The following PCLAF variants were observed in gnomAD, a reference collection of about 807,000 sequenced individuals.
The protein encoded by PCLAF is PCNA-associated factor.
In PCLAF, 12 loss-of-function variants were observed where a neutral mutation model predicts 15.1. The ratio of observed to expected loss-of-function variants is 0.79; its 90% CI spans 0.51 to 1.29. PCLAF has a LOEUF of 1.29. PCLAF is among the 50% of genes most tolerant of loss of function. PCLAF has a pLI of 0.00. For missense variants in PCLAF, 116 were observed against 130.9 expected, an observed-to-expected ratio of 0.89 and a Z score of 0.56; for synonymous variants, 33 against 47.1, an observed-to-expected ratio of 0.70 and a Z score of 1.22.
At position 64,377,522 on chromosome 15, in the gene PCLAF, T is replaced by A. The variant is rs1316852093; in HGVS notation, c.128-617A>T. Among the ~76,000 whole-genome samples the A allele has an allele frequency of 4.6e-4, 44 of 96,516 alleles. 1 individual carries two copies. Among genetic ancestry groups the A allele is most frequent in the East Asian group, 1.1e-3 (3 of 2,764 alleles). The allele number at this position is 96,516 out of a possible 152,430, so 63.3% of individuals were successfully genotyped here. On this transcript the variant is annotated intron_variant, in intron 2 of 3. Transcript: ENST00000300035. ...ATATATATATATATATATATATATA[T>A]ATATATATATATATATTCTTGTATG...
At chr15:64,370,218 A>T (rs1899222636) in intron 3 of PCLAF, among the ~76,000 whole-genome samples, 12 of 151,354 alleles carry the variant, frequency 7.9e-5, no homozygotes, top group Admixed American at 7.9e-4. Context: ...TCAGGACTAC[A>T]GGTGTGCGCC....
upstream of PCLAF, among the ~76,000 whole-genome samples, chr15:64,383,699 T>G (rs1899880006): frequency 6.6e-6 from 1 of 152,140 alleles, no homozygotes; most frequent in African/African-American, 2.4e-5. Flanking sequence ...ATTATTTCCT[T>G]TCCAGTTTAA....
At chr15:64,371,342 T>A (rs747476418) in intron 3 of PCLAF, among the ~76,000 whole-genome samples, 80 of 152,166 alleles carry the variant, frequency 5.3e-4, no homozygotes, top group Middle Eastern at 3.4e-3. Context: ...CTCAGCTCAC[T>A]GCAACCTCTG....
At chr15:64,382,266 C>T (rs1899841819), upstream of PCLAF, among the ~76,000 whole-genome samples, 1 of 151,784 alleles carries the variant, frequency 6.6e-6, no homozygotes, top group African/African-American at 2.4e-5. Context: ...GTGGCATGTT[C>T]CTGTAATCCC....
intron 2 of PCLAF, among the ~76,000 whole-genome samples, chr15:64,377,597 C>T (rs1774126050): frequency 7.7e-6 from 1 of 129,888 alleles, no homozygotes; most frequent in Non-Finnish European, 1.6e-5. Flanking sequence ...AAGATAGGAC[C>T]ATGTAGTATA....
chr15:64,373,797 T>C (rs1899464123), intron 3 of PCLAF: 1 of 1,533,218 alleles, frequency 6.5e-7, no homozygotes, highest in Non-Finnish European at 8.7e-7. Flanking sequence ...TAGGGTCTTA[T>C]ATTCAAGGGG....
At chr15:64,371,535 G>C (rs991893270) in intron 3 of PCLAF, among the ~76,000 whole-genome samples, 12 of 152,208 alleles carry the variant, frequency 7.9e-5, no homozygotes, top group African/African-American at 2.7e-4. Flanking sequence ...CAAAGTACTG[G>C]GAGTACAGGC....
upstream of PCLAF, chr15:64,382,956 C>T: frequency 6.0e-6 from 1 of 166,488 alleles, no homozygotes; most frequent in Admixed American, 6.3e-5. Flanking sequence ...CACGCTACTG[C>T]ACTCCAGCCT....
intron 3 of PCLAF, among the ~76,000 whole-genome samples, chr15:64,374,846 C>CAAA (rs372818602): frequency 6.5e-4 from 26 of 39,972 alleles, no homozygotes; most frequent in African/African-American, 1.7e-3. Flanking sequence ...ACCCCCATAT[C>CAAA]AAAAAAAAAA....
chr15:64,373,188 A>T (rs1899421379), intron 3 of PCLAF: 1 of 152,300 alleles, frequency 6.6e-6, no homozygotes, highest in South Asian at 2.1e-4. Context: ...GATTTAACAA[A>T]CTAAAATGAA....
In PCLAF at chr15:64,369,793, C is replaced by A. The variant is rs142677195; in HGVS notation, c.291-3718G>T. ...ACTTTGTTTTAATTACTCTTTCAGC[C>A]ATCTATTTTTATCTAGTTTGTGTTC... On this transcript the variant is annotated intron_variant, in intron 3 of 3. Transcript: ENST00000300035. 2.0e-4 allele frequency among the ~76,000 whole-genome samples: 31 copies of A among 152,204 alleles called. No homozygotes were observed. In the East Asian group the frequency reaches 5.4e-3, roughly 26 times the overall value.
intron 3 of PCLAF, chr15:64,373,585 G>C: frequency 1.4e-6 from 2 of 1,441,032 alleles, no homozygotes; most frequent in South Asian, 1.5e-5. Flanking sequence ...TTGTGGTTTC[G>C]GCTGCAGTAG....
chr15:64,377,501 A>T (rs1322768975), intron 2 of PCLAF, among the ~76,000 whole-genome samples: 1 of 51,150 alleles, frequency 2.0e-5, no homozygotes, highest in African/African-American at 8.2e-5. Context: ...ATATATATAT[A>T]TATATATATA....
rs1899616458 is a variant in PCLAF, at chr15:64,376,824, C to T, written c.209G>A (p.Arg70Lys). The change falls in exon 3 of 4, where the codon AGG (arginine) becomes AAG (lysine). Residue 70 changes from arginine to lysine, a missense_variant. Transcript: ENST00000300035. ...KWQKGIGEFF[R>K]LSPKDSEKEN... ...TTTTTCAGAATCTTTAGGGGACAAC[C>T]TAAAGAATTCTCCAATTCCTTTTTG... 1 of 1,613,940 alleles carries T rather than the reference C, an allele frequency of 6.2e-7. No homozygotes were observed. Among genetic ancestry groups the T allele is most frequent in the Non-Finnish European group, 8.5e-7 (1 of 1,179,858 alleles).
intron 3 of PCLAF, among the ~76,000 whole-genome samples, chr15:64,369,169 C>G (rs1368129246): frequency 6.6e-6 from 1 of 151,910 alleles, no homozygotes; most frequent in Non-Finnish European, 1.5e-5. Flanking sequence ...CAAGACCAGC[C>G]TAGGCAACAT....
chr15:64,381,104 C>G, intron 1 of PCLAF, 66 bp from the exon 2 acceptor site: 1 of 1,493,808 alleles, frequency 6.7e-7, no homozygotes, highest in Non-Finnish European at 9.3e-7. Context: ...AGTCCTGGAC[C>G]CCAGCAGCTT....
At chr15:64,384,796 G>A (rs1476694618), upstream of PCLAF, among the ~76,000 whole-genome samples, 1 of 151,820 alleles carries the variant, frequency 6.6e-6, no homozygotes, top group Non-Finnish European at 1.5e-5. Context: ...TTGCTAAATG[G>A]GTGTGCTTGC....
intron 3 of PCLAF, among the ~76,000 whole-genome samples, chr15:64,371,124 A>G (rs1179929647): frequency 3.3e-5 from 5 of 151,784 alleles, no homozygotes; most frequent in Non-Finnish European, 7.4e-5. Flanking sequence ...GCCTGCCACC[A>G]TCCCCGGCTA....
chr15:64,383,993 C>T (rs1229855708), upstream of PCLAF, among the ~76,000 whole-genome samples: 1 of 151,524 alleles, frequency 6.6e-6, no homozygotes, highest in African/African-American at 2.4e-5. Context: ...GAAATGTTTG[C>T]TTTGCAGAAG....
Sources: gnomAD v4.1 joint callset for allele counts (sites outside exome capture counted in the v4.1 genomes callset) on GRCh38, gnomAD v4.1.1 for gene constraint, MANE v1.5 for transcripts, NCBI Gene and HGNC (gene_info 2026-07-23, HGNC 2026-07-21) for gene names.